CARHSP1: variants seen among roughly 807,000 people sequenced by gnomAD.
CARHSP1 encodes calcium regulated heat stable protein 1.
CARHSP1 carries 14 observed loss-of-function variants against 12.5 expected under a neutral mutation model. That is an observed-to-expected ratio of 1.12 (90% CI 0.74 to 1.75). The LOEUF (loss-of-function observed/expected upper bound fraction) is 1.75, where lower values mean the gene tolerates loss of function less well. Among genes scored for constraint, CARHSP1 ranks in the 40% most tolerant of loss-of-function variants. The pLI, the probability that CARHSP1 is intolerant of heterozygous loss-of-function variation, is 0.00. For missense variants in CARHSP1, 343 were observed against 201.6 expected, an observed-to-expected ratio of 1.70 and a Z score of -4.25; for synonymous variants, 161 against 82.0, an observed-to-expected ratio of 1.96 and a Z score of -5.20.
At chr16:8,855,671 G>C (rs1315479544) in intron 3 of CARHSP1, among the ~76,000 whole-genome samples, 4 of 132,162 alleles carry the variant, frequency 3.0e-5, no homozygotes, top group Admixed American at 1.0e-4. Context: ...GTCCAAGCCA[G>C]AGAGCCAGAG....
At chr16:8,861,697 C>A in intron 1 of CARHSP1, 1 of 1,288,968 alleles carries the variant, frequency 7.8e-7, no homozygotes, top group Non-Finnish European at 1.0e-6. Context: ...ACAGCCGCGG[C>A]CAAGGAGGAA....
At chr16:8,863,753 G>A (rs1029186256) in intron 1 of CARHSP1, among the ~76,000 whole-genome samples, 1 of 152,132 alleles carries the variant, frequency 6.6e-6, no homozygotes, top group Non-Finnish European at 1.5e-5. Context: ...AAGTCCAGCT[G>A]GAAAGAAAAC....
chr16:8,859,995 C>G (rs527278425), intron 1 of CARHSP1: 4 of 261,690 alleles, frequency 1.5e-5, no homozygotes, highest in South Asian at 2.9e-4. Context: ...AAACCCAAAG[C>G]CAGGGAGATT....
rs758418358 is a variant in CARHSP1 at position 8,855,254 on chromosome 16, A to T, written c.354T>A (p.Asn118Lys). The change falls in exon 4 of 4, where the codon AAT (asparagine) becomes AAA (lysine). Residue 118 changes from asparagine to lysine, a missense_variant. Asn to Lys is a moderately conservative substitution (Grantham distance 94). Transcript: ENST00000311052. ...CGACCTCCACGGCCTGCAGCTTCTC[A>T]TTCTTGGGTGGGATGGAGCACATTT... is the stretch of plus-strand genomic sequence containing the variant. ...TYKMCSIPPK[N>K]EKLQAVEVVI... 1.2e-6 allele frequency: 2 copies of T among 1,612,972 alleles called. No individual in the cohort carries two copies. The highest frequency in any genetic ancestry group is 2.7e-5 in the African/African-American group (2 of 74,840).
chr16:8,858,856 C>T, intron 2 of CARHSP1: 2 of 407,982 alleles, frequency 4.9e-6, no homozygotes, highest in South Asian at 9.9e-5. Context: ...GTGCTGTGCC[C>T]ATTTTGCAGC....
At chr16:8,860,623 T>G in intron 1 of CARHSP1, 1 of 457,144 alleles carries the variant, frequency 2.2e-6, no homozygotes, top group Non-Finnish European at 2.9e-6. Flanking sequence ...TGCGCAGGGC[T>G]GGTGATGGGG....
chr16:8,868,849 A>C (rs1370592604), intron 1 of CARHSP1, 117 bp downstream of exon 1: 1 of 151,938 alleles, frequency 6.6e-6, no homozygotes, highest in South Asian at 2.1e-4. Flanking sequence ...GCCGAGCTAG[A>C]AGACCCTGCA....
intron 1 of CARHSP1, chr16:8,861,614 C>T (rs758853608): frequency 4.0e-5 from 51 of 1,288,892 alleles, no homozygotes; most frequent in Non-Finnish European, 4.9e-5. Flanking sequence ...TCAGTTCTGT[C>T]GGGCTGGGAA....
At chr16:8,860,727 A>C (rs962410620) in intron 1 of CARHSP1, among the ~76,000 whole-genome samples, 6 of 151,908 alleles carry the variant, frequency 3.9e-5, no homozygotes, top group African/African-American at 1.2e-4. Context: ...GATCGGTTTG[A>C]CTCAGGTCCC....
rs1294430758 is a variant in CARHSP1 at position 8,863,129 on chromosome 16, T to TTC, written c.-7-3795_-7-3794insGA. Among the ~76,000 whole-genome samples, 3 of 137,588 alleles carry TTC rather than the reference T, an allele frequency of 2.2e-5. No individual in the cohort carries two copies. The East Asian group carries it at 6.2e-4, about 28-fold the overall frequency. 90.3% of individuals were successfully genotyped at this position (137,588 alleles called of 152,430 possible). ...AAGGATGGCTTTTTTTTTTTTTTTTTTTTTTTTTCAGATAGGATCTCACTT... is the reference window on the plus strand; with the variant it reads ...AAGGATGGCTTTTTTTTTTTTTTTTTTCTTTTTTTTCAGATAGGATCTCACTT... On this transcript the variant is annotated intron_variant, in intron 1 of 3. Coordinates refer to ENST00000311052, the MANE Select transcript of CARHSP1 (RefSeq NM_014316.4).
At chr16:8,864,929 C>T (rs2061429904) in intron 1 of CARHSP1, among the ~76,000 whole-genome samples, 1 of 152,212 alleles carries the variant, frequency 6.6e-6, no homozygotes, top group Non-Finnish European at 1.5e-5. Context: ...TGTCTGGAGA[C>T]TTACGGCCCA....
At chr16:8,859,444 G>A in intron 1 of CARHSP1, 109 bp from the exon 2 acceptor site, 1 of 987,252 alleles carries the variant, frequency 1.0e-6, no homozygotes, top group Non-Finnish European at 1.5e-6. Flanking sequence ...ATTCCTCTCG[G>A]GCACCTCAGC....
chr16:8,856,006 A>G (rs889811993), intron 3 of CARHSP1, among the ~76,000 whole-genome samples: 3 of 151,140 alleles, frequency 2.0e-5, no homozygotes, highest in Non-Finnish European at 2.9e-5. Context: ...TCAGGGTTTC[A>G]CCATGTTAGC....
chr16:8,862,068 T>G (rs183101383), intron 1 of CARHSP1, among the ~76,000 whole-genome samples: 1 of 139,474 alleles, frequency 7.2e-6, no homozygotes, highest in East Asian at 2.4e-4. Flanking sequence ...AATGGCACAA[T>G]CTCGGCTCAC....
intron 3 of CARHSP1, among the ~76,000 whole-genome samples, chr16:8,856,483 CTA>C (rs1379598818): frequency 4.0e-5 from 6 of 151,756 alleles, no homozygotes; most frequent in Non-Finnish European, 7.4e-5. Context: ...GCCCCAACCT[CTA>C]TGTTTTCCTT....
chr16:8,866,427 T>C (rs1382704862), intron 1 of CARHSP1: 10 of 985,228 alleles, frequency 1.0e-5, no homozygotes, highest in Non-Finnish European at 1.2e-5. Context: ...GTTACCTTAG[T>C]GCACCTGGGT....
At position 8,857,263 on chromosome 16, in the gene CARHSP1, G is replaced by GTTTTTTTTTTTTTTTTTTTTTTTTT. The variant is rs756390920; in HGVS notation, c.281+1062_281+1086dup. On this transcript the variant is annotated intron_variant, in intron 3 of 3. Coordinates refer to ENST00000311052, the MANE Select transcript of CARHSP1 (RefSeq NM_014316.4). ...TGGCTATGTGATCTTGGGCAGATCT[G>GTTTTTTTTTTTTTTTTTTTTTTTTT]TTTTTTTTTTTTTTTTTTTTTTTTT... is the stretch of plus-strand genomic sequence containing the variant. Among the ~76,000 whole-genome samples, 8 of 57,026 alleles carry GTTTTTTTTTTTTTTTTTTTTTTTTT rather than the reference G, an allele frequency of 1.4e-4. 1 individual carries two copies. The highest frequency in any genetic ancestry group is 8.9e-4 in the East Asian group (1 of 1,120). 37.4% of individuals were successfully genotyped at this position (57,026 alleles called of 152,430 possible).
chr16:8,859,596 CCT>C (rs2061278889), intron 1 of CARHSP1, among the ~76,000 whole-genome samples: 2 of 151,978 alleles, frequency 1.3e-5, no homozygotes, highest in African/African-American at 4.8e-5. Context: ...GCATCGGTCC[CCT>C]CTGTGTCCCC....
In CARHSP1 at chr16:8,853,866, A is replaced by G. The variant is rs1298051887; in HGVS notation, c.*1298T>C. ...TTTGAGAGGCCGAGATGGGCAGATCATCTGAGGTCAGGGGTTCAAGACCAT... is the reference window on the plus strand; with the variant it reads ...TTTGAGAGGCCGAGATGGGCAGATCGTCTGAGGTCAGGGGTTCAAGACCAT... On this transcript the variant is annotated 3_prime_UTR_variant, in exon 4 of 4. Transcript: ENST00000311052. 2 of 152,214 alleles carry G rather than the reference A, an allele frequency of 1.3e-5. No individual in the cohort carries two copies. Among genetic ancestry groups the G allele is most frequent in the Non-Finnish European group, 2.9e-5 (2 of 68,042 alleles). 9.4% of individuals were successfully genotyped at this position (152,214 alleles called of 1,614,324 possible). A position where few individuals can be genotyped will look rare whatever the true frequency, so the allele number is the denominator to read the frequency against.
Sources: gnomAD v4.1 joint callset for allele counts (sites outside exome capture counted in the v4.1 genomes callset) on GRCh38, gnomAD v4.1.1 for gene constraint, MANE v1.5 for transcripts, NCBI Gene and HGNC (gene_info 2026-07-23, HGNC 2026-07-21) for gene names.